CTNNA3: variants seen among roughly 807,000 people sequenced by gnomAD.
CTNNA3 encodes catenin alpha 3.
A neutral mutation model predicts 95.7 loss-of-function variants in CTNNA3; 76 were observed. The ratio of observed to expected loss-of-function variants is 0.79; its 90% CI spans 0.66 to 0.96. The LOEUF is 0.96. Ranked by LOEUF, CTNNA3 falls within the 40% of genes least tolerant of loss-of-function variation. The pLI, the probability that CTNNA3 is intolerant of heterozygous loss-of-function variation, is 0.00. For missense variants in CTNNA3, 1,191 were observed against 1,089.8 expected, an observed-to-expected ratio of 1.09 and a Z score of -1.31; for synonymous variants, 431 against 374.4, an observed-to-expected ratio of 1.15 and a Z score of -1.74.
intron 6 of CTNNA3, among the ~76,000 whole-genome samples, chr10:67,208,114 T>G (rs1419090455): frequency 6.6e-6 from 1 of 152,174 alleles, no homozygotes; most frequent in Non-Finnish European, 1.5e-5. Context: ...GGCTCATGCC[T>G]GTAATCCTAG....
chr10:66,545,981 T>C (rs1842023659), intron 10 of CTNNA3, among the ~76,000 whole-genome samples: 1 of 150,646 alleles, frequency 6.6e-6, no homozygotes, highest in South Asian at 2.1e-4. Flanking sequence ...TATATTTATC[T>C]TCTGGATATA....
chr10:66,217,934 T>TTCTC (rs3053736), intron 13 of CTNNA3, among the ~76,000 whole-genome samples: 123,148 of 151,490 alleles, frequency 0.81, 50,320 homozygotes, highest in South Asian at 0.94. Context: ...TCCTAACTGA[T>TTCTC]TCTGAATAAT....
intron 13 of CTNNA3, among the ~76,000 whole-genome samples, chr10:66,108,315 G>T (rs897671803): frequency 1.3e-5 from 2 of 151,944 alleles, no homozygotes; most frequent in Non-Finnish European, 2.9e-5. Context: ...AAATATTCAA[G>T]AAATCAGTGA....
chr10:66,546,588 A>G (rs1057422040), intron 10 of CTNNA3, among the ~76,000 whole-genome samples: 1 of 152,140 alleles, frequency 6.6e-6, no homozygotes, highest in African/African-American at 2.4e-5. Flanking sequence ...TGGAAGGTGA[A>G]GGGGAAGCAA....
intron 6 of CTNNA3, among the ~76,000 whole-genome samples, chr10:67,192,886 T>A (rs749354122): frequency 7.9e-5 from 12 of 151,936 alleles, no homozygotes; most frequent in South Asian, 4.2e-4. Flanking sequence ...AATGGTCATA[T>A]ATATGTATAT....
At chr10:65,972,660 G>A (rs1034305080) in intron 16 of CTNNA3, among the ~76,000 whole-genome samples, 1 of 151,900 alleles carries the variant, frequency 6.6e-6, no homozygotes, top group Non-Finnish European at 1.5e-5. Flanking sequence ...TCTCTACAAG[G>A]AGAACTATAC....
At chr10:66,332,007 A>G (rs1173446576) in intron 12 of CTNNA3, among the ~76,000 whole-genome samples, 2 of 151,944 alleles carry the variant, frequency 1.3e-5, no homozygotes, top group East Asian at 1.9e-4. Context: ...CTTTGAAGCA[A>G]TTGTGAATGG....
chr10:66,309,847 C>T (rs2091987475), intron 12 of CTNNA3, among the ~76,000 whole-genome samples: 2 of 150,620 alleles, frequency 1.3e-5, no homozygotes, highest in South Asian at 2.1e-4. Context: ...ATCAGGAAGT[C>T]AGGAGTTCGA....
intron 5 of CTNNA3, among the ~76,000 whole-genome samples, chr10:67,370,869 G>GC (rs1843401576): frequency 2.2e-5 from 3 of 136,308 alleles, no homozygotes; most frequent in Non-Finnish European, 1.6e-5. Flanking sequence ...AGTTTTTTTT[G>GC]TTTTTTTTTT....
intron 16 of CTNNA3, among the ~76,000 whole-genome samples, chr10:65,967,699 TG>T (rs1441671836): frequency 6.6e-6 from 1 of 152,222 alleles, no homozygotes; most frequent in African/African-American, 2.4e-5. Context: ...AGGAACTTCC[TG>T]GAGGACAGCT....
At chr10:66,222,766 A>G (rs1377512986) in intron 13 of CTNNA3, among the ~76,000 whole-genome samples, 1 of 151,892 alleles carries the variant, frequency 6.6e-6, no homozygotes, top group Admixed American at 6.6e-5. Flanking sequence ...AAGAAAAGAA[A>G]AGAGAAAAGG....
intron 7 of CTNNA3, among the ~76,000 whole-genome samples, chr10:66,940,254 C>G (rs1216353247): frequency 1.3e-5 from 2 of 152,078 alleles, no homozygotes; most frequent in African/African-American, 4.8e-5. Context: ...AGGCCCAGCA[C>G]TTTGGGAGGC....
chr10:66,642,043 A>G (rs1397876078), intron 9 of CTNNA3, among the ~76,000 whole-genome samples: 3 of 152,144 alleles, frequency 2.0e-5, no homozygotes, highest in Non-Finnish European at 4.4e-5. Context: ...ATAAACAGGC[A>G]GCAGATAGTC....
intron 14 of CTNNA3, among the ~76,000 whole-genome samples, chr10:66,088,277 A>G (rs2081063875): frequency 6.6e-6 from 1 of 152,018 alleles, no homozygotes; most frequent in South Asian, 2.1e-4. Flanking sequence ...ATGTGTCATT[A>G]TTTTACAAAT....
chr10:65,913,076 T>C lies in CTNNA3; in HGVS notation c.*7254A>G, dbSNP rs574172971. 3.2e-4 allele frequency: 48 copies of C among 152,112 alleles called. No individual in the cohort carries two copies. The highest frequency in any genetic ancestry group is 1.1e-3 in the African/African-American group (47 of 41,514). The allele number at this position is 152,112 out of a possible 1,614,324, so 9.4% of individuals were successfully genotyped here. A position where few individuals can be genotyped will look rare whatever the true frequency, so the allele number is the denominator to read the frequency against. ...CTGCAATAAACATGACTATTATGAA[T>C]TGGTTACTTTTATTTCATCTCAGAA... On this transcript the variant is annotated 3_prime_UTR_variant, in exon 18 of 18. Coordinates refer to ENST00000433211, the MANE Select transcript of CTNNA3 (RefSeq NM_013266.4).
intron 11 of CTNNA3, among the ~76,000 whole-genome samples, chr10:66,380,383 G>C (rs2092827973): frequency 6.6e-6 from 1 of 152,044 alleles, no homozygotes; most frequent in African/African-American, 2.4e-5. Context: ...ACCTAGGAAG[G>C]AGGATGACTT....
rs1841166101 is a variant in CTNNA3 at position 67,554,628 on chromosome 10, A to G, written c.293-14959T>C. On this transcript the variant is annotated intron_variant, in intron 3 of 17. Transcript: ENST00000433211. Reference sequence around the variant, plus strand: ...TGATTTTTTTCTTGTAAATTTGTTTAAGTTCTTTGTAGATTCTGTATATTA... The same window carrying G: ...TGATTTTTTTCTTGTAAATTTGTTTGAGTTCTTTGTAGATTCTGTATATTA... Among the ~76,000 whole-genome samples, 3 of 151,992 alleles carry G rather than the reference A, an allele frequency of 2.0e-5. No homozygotes were observed. In the South Asian group the frequency reaches 6.2e-4, roughly 32 times the overall value.
At position 66,679,186 on chromosome 10, in the gene CTNNA3, T is replaced by C. The variant is rs552209607; in HGVS notation, c.1282-57402A>G. Among the ~76,000 whole-genome samples the C allele has an allele frequency of 5.1e-4, 78 of 152,296 alleles. 1 individual carries two copies. The South Asian group carries it at 0.016, about 32-fold the overall frequency. The stretch of plus-strand genomic sequence containing the variant: ...ATCATGAAATCCTAGACTAAGTCAG[T>C]AGCAGACAGGAATGCGAAGCCATTT... On this transcript the variant is annotated intron_variant, in intron 9 of 17. Transcript: ENST00000433211.
chr10:67,625,564 TAAAAG>T (rs540957291), intron 2 of CTNNA3, among the ~76,000 whole-genome samples: 26 of 152,240 alleles, frequency 1.7e-4, no homozygotes, highest in Non-Finnish European at 3.4e-4. Context: ...TGGCTATACT[TAAAAG>T]AAAACTTTTT....
Sources: gnomAD v4.1 joint callset for allele counts (sites outside exome capture counted in the v4.1 genomes callset) on GRCh38, gnomAD v4.1.1 for gene constraint, MANE v1.5 for transcripts, NCBI Gene and HGNC (gene_info 2026-07-23, HGNC 2026-07-21) for gene names.